Variants in SAMD11 observed in about 807,000 individuals in gnomAD.
The protein encoded by SAMD11 is sterile alpha motif domain containing 11.
A neutral mutation model predicts 64.4 loss-of-function variants in SAMD11; 77 were observed. The observed-to-expected ratio is 1.20, with a 90% CI of 0.99 to 1.44. The LOEUF (loss-of-function observed/expected upper bound fraction) is 1.44, where lower values mean the gene tolerates loss of function less well. SAMD11 is among the 40% of genes most tolerant of loss of function. The probability of loss-of-function intolerance (pLI) is 0.00; values close to 1 mark genes in which losing one functional copy is unlikely to be tolerated. For synonymous variants in SAMD11, 658 were observed against 421.9 expected, an observed-to-expected ratio of 1.56 and a Z score of -6.86; for missense variants, 1,402 against 943.3, an observed-to-expected ratio of 1.49 and a Z score of -6.37.
intron 5 of SAMD11, 137 bp downstream of exon 5, chr1:936,033 G>C: frequency 1.1e-6 from 1 of 909,524 alleles, no homozygotes; most frequent in Non-Finnish European, 1.6e-6. Flanking sequence ...GGGCTGCATG[G>C]GATGGTAATT....
chr1:939,504 G>A (rs1161909935), intron 7 of SAMD11, 92 bp downstream of exon 7: 4 of 1,581,502 alleles, frequency 2.5e-6, no homozygotes, highest in South Asian at 2.3e-5. Flanking sequence ...CACCTCCCCA[G>A]CCACATGTAC....
At chr1:943,850 C>G in intron 13 of SAMD11, 42 bp downstream of exon 13, 1 of 1,613,000 alleles carries the variant, frequency 6.2e-7, no homozygotes, top group Non-Finnish European at 8.5e-7. Context: ...CAGACCACAG[C>G]TGGGCAGAAA....
Position 942,892 on chromosome 1 carries a change from C to A in SAMD11, c.1887C>A (p.Pro629=). Reference sequence around the variant, plus strand: ...AAGATGGCTCGGAAGACGAGCCCCCCAAAGACTCGGACGGAGAGGACCCCG... The same window carrying A: ...AAGATGGCTCGGAAGACGAGCCCCCAAAAGACTCGGACGGAGAGGACCCCG... ...WAQDGSEDEP[P]KDSDGEDPET... is the part of the protein sequence containing the mutation. The change falls in exon 11 of 14, where the codon CCC becomes CCA. Residue 629 remains proline (P), a synonymous_variant. Transcript: ENST00000616016. 1.3e-6 allele frequency: 2 copies of A among 1,555,888 alleles called. No individual in the cohort carries two copies. The highest frequency in any genetic ancestry group is 2.4e-5 in the East Asian group (1 of 41,898).
rs1317704335 is a variant in SAMD11, at chr1:930,480, C to T, written c.791+144C>T. On this transcript the variant is annotated intron_variant, in intron 3 of 13. Coordinates refer to ENST00000616016, the MANE Select transcript of SAMD11 (RefSeq NM_001385641.1). Reference sequence around the variant, plus strand: ...GGTCTTTTTGGGGTCCTGTGTGGGTCGCAGGCAGGAGCTGTTTCCTCATCT... The same window carrying T: ...GGTCTTTTTGGGGTCCTGTGTGGGTTGCAGGCAGGAGCTGTTTCCTCATCT... 3.2e-5 allele frequency: 30 copies of T among 940,716 alleles called. No homozygotes were observed. The East Asian group carries it at 3.2e-4, about 10-fold the overall frequency. The allele number at this position is 940,716 out of a possible 1,614,324, so 58.3% of individuals were successfully genotyped here.
chr1:928,149 T>C (rs540396711), intron 2 of SAMD11, among the ~76,000 whole-genome samples: 59 of 152,156 alleles, frequency 3.9e-4, no homozygotes, highest in African/African-American at 1.4e-3. Context: ...ATCCCAGCAC[T>C]TTGGGAGGCC....
rs745468346 is a variant in SAMD11, at chr1:930,254, A to G, written c.709A>G (p.Ser237Gly). 6.8e-6 allele frequency: 11 copies of G among 1,606,308 alleles called. No homozygotes were observed. Among genetic ancestry groups the G allele is most frequent in the Non-Finnish European group, 7.6e-6 (9 of 1,177,074 alleles). Residue 237 changes from serine (S) to glycine (G), a missense_variant, in exon 3 of 14, where the codon AGC (serine) becomes GGC (glycine). Transcript: ENST00000616016. ...CAGCTTCTCTGCCAGCGATGGTGAC[A>G]GCGACGGGAGTGGCCCCACCTGTGG... is the stretch of plus-strand genomic sequence containing the variant. ...TPSFSASDGD[S>G]DGSGPTCGRR...
intron 4 of SAMD11, among the ~76,000 whole-genome samples, chr1:932,897 G>A (rs1039473214): frequency 1.3e-5 from 2 of 152,216 alleles, no homozygotes; most frequent in African/African-American, 4.8e-5. Flanking sequence ...CCTCTCTCCT[G>A]GGCCCCTGAG....
At position 942,219 on chromosome 1, in the gene SAMD11, T is replaced by TG; in HGVS notation, c.1447dup (p.Val483GlyfsTer135). On this transcript the variant is annotated frameshift_variant, in exon 9 of 14. Transcript: ENST00000616016. LOFTEE classifies it high-confidence loss of function. ...GGCCCCCATCTCAGGCCCCCCTTCC[T>TG]GGGGGTGCCCTCGGCTCTGTGCCAG... 2.2e-6 allele frequency: 3 copies of TG among 1,358,488 alleles called. No individual in the cohort carries two copies. The highest frequency in any genetic ancestry group is 1.9e-6 in the Non-Finnish European group (2 of 1,048,982). 84.2% of individuals were successfully genotyped at this position (1,358,488 alleles called of 1,614,324 possible).
chr1:941,149 C>T lies in SAMD11; in HGVS notation c.1201C>T (p.Leu401=). ...YHLGLPSHDL[L]RVRQEVAAAA... Reference sequence around the variant, plus strand: ...TGCTGTTGTCCCCCACCCAGATCTCCTGAGGGTCCGGCAGGAGGTGGCGGC... The same window carrying T: ...TGCTGTTGTCCCCCACCCAGATCTCTTGAGGGTCCGGCAGGAGGTGGCGGC... The change falls in exon 8 of 14, where the codon CTG becomes TTG. Residue 401 remains leucine, a synonymous_variant. Coordinates refer to ENST00000616016, the MANE Select transcript of SAMD11 (RefSeq NM_001385641.1). 3 of 1,598,696 alleles carry T rather than the reference C, an allele frequency of 1.9e-6. No individual in the cohort carries two copies. Among genetic ancestry groups the T allele is most frequent in the Non-Finnish European group, 1.7e-6 (2 of 1,173,662 alleles).
chr1:937,066 G>A (rs971032005), intron 5 of SAMD11, among the ~76,000 whole-genome samples: 1 of 152,100 alleles, frequency 6.6e-6, no homozygotes, highest in Non-Finnish European at 1.5e-5. Flanking sequence ...CAGGCTCTAC[G>A]GGGCCTCACG....
At chr1:941,735 C>T (rs1221034097) in intron 8 of SAMD11, among the ~76,000 whole-genome samples, 1 of 151,710 alleles carries the variant, frequency 6.6e-6, no homozygotes, top group Non-Finnish European at 1.5e-5. Flanking sequence ...CGGGGCGGGG[C>T]GCCTGGAGAA....
Position 933,022 on chromosome 1 carries a change from CCCT to C in SAMD11, c.842+1935_842+1937del, listed in dbSNP as rs1212185357. Among the ~76,000 whole-genome samples the C allele has an allele frequency of 3.5e-4, 54 of 152,298 alleles. 3 individuals are homozygous for C. The East Asian group carries it at 0.01, about 29-fold the overall frequency. The stretch of plus-strand genomic sequence containing the variant: ...CTGCCAGGCTCTGGCCTCCCCCTCC[CCCT>C]CTCCTTCCTGCGCCTCCTGCCCCAG... On this transcript the variant is annotated intron_variant, in intron 4 of 13. Transcript: ENST00000616016.
intron 7 of SAMD11, 104 bp downstream of exon 7, chr1:939,516 C>A (rs150958260): frequency 1.3e-6 from 2 of 1,548,638 alleles, no homozygotes; most frequent in African/African-American, 1.6e-5. Flanking sequence ...CACATGTACT[C>A]GGCCATTCCT....
chr1:931,178 G>A (rs189001457), intron 4 of SAMD11, 89 bp downstream of exon 4: 170 of 1,194,754 alleles, frequency 1.4e-4, no homozygotes, highest in Non-Finnish European at 1.9e-4. Flanking sequence ...TCTGCTGTCC[G>A]CTGTCTCAGC....
chr1:944,003 C>T lies in SAMD11; in HGVS notation c.2385C>T (p.Leu795=), dbSNP rs145886346. ...PPTLRAPERE[L]GTGEQPLSPT... ...CCCTGCGGGCCCCGGAGCGAGAACT[C>T]GGCACAGGAGAGCAGCCCTTGTCCC... The change falls in exon 14 of 14, where the codon CTC becomes CTT. Residue 795 remains leucine, a synonymous_variant. Coordinates refer to ENST00000616016, the MANE Select transcript of SAMD11 (RefSeq NM_001385641.1). The T allele has an allele frequency of 1.6e-4, 251 of 1,612,860 alleles. No individual in the cohort carries two copies. In the African/African-American group the frequency reaches 2.7e-3, roughly 17 times the overall value.
intron 2 of SAMD11, among the ~76,000 whole-genome samples, chr1:927,226 G>T (rs1347581887): frequency 2.0e-5 from 3 of 152,208 alleles, no homozygotes. Context: ...CCTACCCGGG[G>T]CAAGAGGCCC....
At chr1:926,125 G>C (rs1640873327) in intron 2 of SAMD11, 112 bp downstream of exon 2, 2 of 1,015,328 alleles carry the variant, frequency 2.0e-6, no homozygotes, top group Non-Finnish European at 3.0e-6. Context: ...CTGCGGGTGT[G>C]CTGGAGGGAG....
chr1:931,224 C>A, intron 4 of SAMD11, 135 bp downstream of exon 4: 1 of 856,460 alleles, frequency 1.2e-6, no homozygotes, highest in Non-Finnish European at 1.9e-6. Flanking sequence ...GAGTGTCTGC[C>A]AGGTTTGACA....
rs573022005 is a variant in SAMD11, at chr1:942,485, C to T, written c.1550C>T (p.Ala517Val). The T allele has an allele frequency of 1.1e-4, 170 of 1,482,246 alleles. No individual in the cohort carries two copies. Among genetic ancestry groups the T allele is most frequent in the Middle Eastern group, 2.4e-4 (1 of 4,242 alleles). 91.8% of individuals were successfully genotyped at this position (1,482,246 alleles called of 1,614,324 possible). The change falls in exon 10 of 14, where the codon GCC becomes GTC. Residue 517 changes from alanine to valine, a missense_variant. By Grantham distance (64) the Ala-to-Val change is moderately conservative. Coordinates refer to ENST00000616016, the MANE Select transcript of SAMD11 (RefSeq NM_001385641.1). ...GAGCTCCTGCGGAAGCAGAACCTGG[C>T]CCGGTAGGTGCGGGGAGGCGGGCGG... The part of the protein sequence containing the change: ...QQELLRKQNL[A>V]RLELPADLLR...
Sources: gnomAD v4.1 joint callset for allele counts (sites outside exome capture counted in the v4.1 genomes callset) on GRCh38, gnomAD v4.1.1 for gene constraint, MANE v1.5 for transcripts, NCBI Gene and HGNC (gene_info 2026-07-23, HGNC 2026-07-21) for gene names.